Variants in LTBP2 observed in about 807,000 individuals in gnomAD.
The protein encoded by LTBP2 is latent-transforming growth factor beta-binding protein 2.
A neutral mutation model predicts 210.6 loss-of-function variants in LTBP2; 103 were observed. That is an observed-to-expected ratio of 0.49 (90% CI 0.42 to 0.58). The LOEUF (loss-of-function observed/expected upper bound fraction) is 0.58, where lower values mean the gene tolerates loss of function less well. LTBP2 is among the 20% of genes least tolerant of loss of function. The pLI, the probability that LTBP2 is intolerant of heterozygous loss-of-function variation, is 0.00. For synonymous variants in LTBP2, 1,007 were observed against 1,015.0 expected (o/e 0.99, Z 0.15); for missense variants, 2,313 against 2,494.5 (o/e 0.93, Z 1.55).
At chr14:74,522,332 A>G (rs1345225792) in intron 16 of LTBP2, among the ~76,000 whole-genome samples, 1 of 152,048 alleles carries the variant, frequency 6.6e-6, no homozygotes, top group Non-Finnish European at 1.5e-5. Context: ...ACCACAATGG[A>G]TATTTCTCCC....
In LTBP2 at chr14:74,551,319, G is replaced by A; in HGVS notation, c.1431C>T (p.His477=). 1 of 1,590,696 alleles carries A rather than the reference G, an allele frequency of 6.3e-7. No homozygotes were observed. The highest frequency in any genetic ancestry group is 8.6e-7 in the Non-Finnish European group (1 of 1,166,328). ...CTGAGGCCTCGGGTGGGTGGTGAAT[G>A]TGCACCTTCACCAGGGAGGGGTTCA... ...ASVNPSLVKV[H]IHHPPEASVQ... is the part of the protein sequence containing the mutation. The change falls in exon 7 of 36, where the codon CAC becomes CAT. Residue 477 remains histidine, a synonymous_variant. Transcript: ENST00000261978.
intron 8 of LTBP2, among the ~76,000 whole-genome samples, chr14:74,549,329 AAT>A (rs1337156709): frequency 6.6e-6 from 1 of 152,198 alleles, no homozygotes; most frequent in East Asian, 1.9e-4. Flanking sequence ...TGAATGAATG[AAT>A]GAATTAACAC....
At chr14:74,607,934 G>T (rs1216561612) in intron 1 of LTBP2, among the ~76,000 whole-genome samples, 9 of 143,124 alleles carry the variant, frequency 6.3e-5, no homozygotes, top group Non-Finnish European at 7.6e-5. Context: ...TTTTTTTTGA[G>T]ACGGAGTCTC....
chr14:74,593,212 A>C (rs573705354), intron 2 of LTBP2, among the ~76,000 whole-genome samples: 5 of 152,258 alleles, frequency 3.3e-5, no homozygotes, highest in African/African-American at 1.2e-4. Context: ...TTGGGAAGGG[A>C]CCAAACTCAG....
rs1350371864 is a variant in LTBP2, at chr14:74,522,773, G to A, written c.2659+17C>T. 5.0e-6 allele frequency: 8 copies of A among 1,606,850 alleles called. No individual in the cohort carries two copies. In the East Asian group the frequency reaches 6.7e-5, roughly 13 times the overall value. On this transcript the variant is annotated intron_variant, in intron 16 of 35. Coordinates refer to ENST00000261978, the MANE Select transcript of LTBP2 (RefSeq NM_000428.3). ...TACCCCAGCCGCCAAGTAAGCCCAG[G>A]GCACCCAAGTGAATACCTGTGCAGT...
Position 74,507,374 on chromosome 14 carries a change from G to A in LTBP2, c.3776-64C>T, listed in dbSNP as rs2087005419. 8.7e-6 allele frequency: 14 copies of A among 1,607,486 alleles called. No homozygotes were observed. In the South Asian group the frequency reaches 1.4e-4, roughly 16 times the overall value. On this transcript the variant is annotated intron_variant, in intron 25 of 35. Coordinates refer to ENST00000261978, the MANE Select transcript of LTBP2 (RefSeq NM_000428.3). Reference sequence around the variant, plus strand: ...GCCAGGTCACTGCTGTGGTCCCACAGGGTCATGCCCCACAACCTCTGGGGT... The same window carrying A: ...GCCAGGTCACTGCTGTGGTCCCACAAGGTCATGCCCCACAACCTCTGGGGT...
intron 8 of LTBP2, among the ~76,000 whole-genome samples, chr14:74,536,391 TG>T (rs2087421823): frequency 6.6e-6 from 1 of 152,224 alleles, no homozygotes; most frequent in Non-Finnish European, 1.5e-5. Flanking sequence ...TCAAAGGATC[TG>T]TTGTACGACA....
chr14:74,573,709 T>C (rs2088016489), intron 3 of LTBP2, among the ~76,000 whole-genome samples: 1 of 152,206 alleles, frequency 6.6e-6, no homozygotes, highest in African/African-American at 2.4e-5. Flanking sequence ...AGTGCTTTTG[T>C]AAATAAATAC....
At chr14:74,568,543 T>C (rs1399373679) in intron 3 of LTBP2, among the ~76,000 whole-genome samples, 1 of 151,912 alleles carries the variant, frequency 6.6e-6, no homozygotes, top group Non-Finnish European at 1.5e-5. Context: ...TAAAGAGAAA[T>C]AGGAGGAGTC....
intron 22 of LTBP2, 58 bp downstream of exon 22, chr14:74,509,180 C>A: frequency 6.2e-7 from 1 of 1,612,386 alleles, no homozygotes; most frequent in South Asian, 1.1e-5. Flanking sequence ...TGGGCTTCAC[C>A]ATGGCCCTGA....
chr14:74,532,439 C>T lies in LTBP2; in HGVS notation c.1974G>A (p.Arg658=), dbSNP rs865845703. The change falls in exon 10 of 36, where the codon CGG becomes CGA. Residue 658 remains arginine (R), a synonymous_variant. Transcript: ENST00000261978. ...CRPGLMLDPS[R]SRCVSDKAIS... ...GCCAGCACTCACACACACAGCGGCT[C>T]CGCGATGGATCCAGCATGAGGCCAG... is the stretch of plus-strand genomic sequence containing the variant. 2.5e-6 allele frequency: 4 copies of T among 1,614,042 alleles called. No homozygotes were observed. Among genetic ancestry groups the T allele is most frequent in the African/African-American group, 1.3e-5 (1 of 74,934 alleles).
Position 74,579,354 on chromosome 14 carries a change from G to C in LTBP2, c.830+6500C>G, listed in dbSNP as rs2088105309. Reference sequence around the variant, plus strand: ...TAGAGAGACCACCGACTTGGGAGCAGAGTCCCTGTGCTCCCAACAGGAAAG... The same window carrying C: ...TAGAGAGACCACCGACTTGGGAGCACAGTCCCTGTGCTCCCAACAGGAAAG... On this transcript the variant is annotated intron_variant, in intron 3 of 35. Transcript: ENST00000261978. Among the ~76,000 whole-genome samples, 4 of 152,204 alleles carry C rather than the reference G, an allele frequency of 2.6e-5. No homozygotes were observed. The South Asian group carries it at 8.3e-4, about 32-fold the overall frequency.
intron 2 of LTBP2, among the ~76,000 whole-genome samples, chr14:74,594,540 G>A (rs1280774594): frequency 6.6e-6 from 1 of 152,182 alleles, no homozygotes; most frequent in Non-Finnish European, 1.5e-5. Flanking sequence ...CCGGGGCCCT[G>A]TCCCCTTTCA....
At chr14:74,552,539 T>C (rs888457548) in intron 5 of LTBP2, 146 bp from the exon 6 acceptor site, 20 of 759,240 alleles carry the variant, frequency 2.6e-5, no homozygotes, top group Non-Finnish European at 4.3e-5. Context: ...GTAGGGACTT[T>C]CCACTTCATT....
chr14:74,501,210 C>T (rs2139684669), intron 35 of LTBP2, among the ~76,000 whole-genome samples, 181 bp from the exon 36 acceptor site: 1 of 152,336 alleles, frequency 6.6e-6, no homozygotes, highest in African/African-American at 2.4e-5. Context: ...GCAGCAAGCT[C>T]ATACCATGCC....
At chr14:74,526,841 G>T (rs894336870) in intron 13 of LTBP2, among the ~76,000 whole-genome samples, 1 of 152,164 alleles carries the variant, frequency 6.6e-6, no homozygotes, top group African/African-American at 2.4e-5. Flanking sequence ...TTTCCCAGGG[G>T]AATCTTGGGC....
rs116046981 is a variant in LTBP2 at position 74,604,887 on chromosome 14, G to A, written c.495-1182C>T. On this transcript the variant is annotated intron_variant, in intron 1 of 35. Transcript: ENST00000261978. The stretch of plus-strand genomic sequence containing the variant: ...ACTCAGCTCCCCAAACTTTGCTTCC[G>A]GGTGTCTGGCGCACTCCAGCAGCAC... Among the ~76,000 whole-genome samples the A allele has an allele frequency of 4.5e-3, 686 of 152,248 alleles. 3 individuals carry two copies. Among genetic ancestry groups the A allele is most frequent in the African/African-American group, 0.016 (645 of 41,538 alleles).
At chr14:74,537,333 A>C (rs1380568864) in intron 8 of LTBP2, among the ~76,000 whole-genome samples, 1 of 152,252 alleles carries the variant, frequency 6.6e-6, no homozygotes, top group Non-Finnish European at 1.5e-5. Flanking sequence ...CTTTTGTGGA[A>C]CAAAAAGAGA....
chr14:74,554,998 A>G (rs1182920336), intron 4 of LTBP2, among the ~76,000 whole-genome samples: 1 of 151,818 alleles, frequency 6.6e-6, no homozygotes, highest in Non-Finnish European at 1.5e-5. Flanking sequence ...GGCCTGGAGT[A>G]GCTGCTCTGA....
Sources: gnomAD v4.1 joint callset for allele counts (sites outside exome capture counted in the v4.1 genomes callset) on GRCh38, gnomAD v4.1.1 for gene constraint, MANE v1.5 for transcripts, NCBI Gene and HGNC (gene_info 2026-07-23, HGNC 2026-07-21) for gene names.